GRIK1: variants seen among roughly 807,000 people sequenced by gnomAD.
GRIK1 encodes the protein glutamate receptor ionotropic, kainate 1.
GRIK1 carries 69 observed loss-of-function variants against 105.7 expected under a neutral mutation model. That is an observed-to-expected ratio of 0.65 (90% confidence interval 0.54 to 0.80). The LOEUF (loss-of-function observed/expected upper bound fraction) is 0.80. GRIK1 is among the 30% of genes least tolerant of loss of function. The pLI is 0.00. For missense variants in GRIK1, 1,109 were observed against 1,167.3 expected (o/e 0.95, Z 0.73); for synonymous variants, 438 against 431.3 (o/e 1.02, Z -0.19).
chr21:29,736,227 T>C (rs2146919077), intron 1 of GRIK1, among the ~76,000 whole-genome samples: 1 of 152,196 alleles, frequency 6.6e-6, no homozygotes, highest in Non-Finnish European at 1.5e-5. Context: ...ATTATGATTA[T>C]GATTATTTTT....
intron 6 of GRIK1, among the ~76,000 whole-genome samples, chr21:29,644,450 T>G (rs1787745009): frequency 6.6e-6 from 1 of 152,232 alleles, no homozygotes; most frequent in South Asian, 2.1e-4. Flanking sequence ...TAAAATGACA[T>G]TTATTTTTGT....
In GRIK1 at chr21:29,637,578, C is replaced by T. The variant is rs969712773; in HGVS notation, c.1098+5248G>A. On this transcript the variant is annotated intron_variant, in intron 7 of 17. Coordinates refer to ENST00000327783, the MANE Select transcript of GRIK1 (RefSeq NM_001330994.2). ...GGCACTAGTGCCCTTATAAAAGAGG[C>T]CCTTGAGAGATTCCTTGCCCCTTTC... is the stretch of plus-strand genomic sequence containing the variant. 1.3e-5 allele frequency among the ~76,000 whole-genome samples: 2 copies of T among 152,274 alleles called. 1 individual carries two copies. Among genetic ancestry groups the T allele is most frequent in the Admixed American group, 1.3e-4 (2 of 15,300 alleles).
At chr21:29,561,926 G>T in intron 14 of GRIK1, 77 bp from the exon 15 acceptor site, 1 of 787,124 alleles carries the variant, frequency 1.3e-6, no homozygotes, top group South Asian at 1.5e-5. Flanking sequence ...AAGTCCCAAT[G>T]GTTCAAATAA....
chr21:29,916,500 A>G (rs951649639), intron 1 of GRIK1, among the ~76,000 whole-genome samples: 13 of 151,968 alleles, frequency 8.6e-5, no homozygotes, highest in Admixed American at 7.2e-4. Flanking sequence ...TACTTTAAAA[A>G]TAGAGGATAA....
chr21:29,705,255 C>A (rs1008198653), intron 1 of GRIK1, among the ~76,000 whole-genome samples: 1 of 152,110 alleles, frequency 6.6e-6, no homozygotes, highest in Admixed American at 6.5e-5. Flanking sequence ...CAGTATATAC[C>A]GATGTGTGTG....
chr21:29,601,591 C>A (rs141606171), intron 7 of GRIK1, among the ~76,000 whole-genome samples: 1 of 152,338 alleles, frequency 6.6e-6, no homozygotes, highest in South Asian at 2.1e-4. Flanking sequence ...TCCCAGCCTG[C>A]AGCCTCCACT....
chr21:29,782,686 T>C (rs2066156243), intron 1 of GRIK1, among the ~76,000 whole-genome samples: 1 of 152,232 alleles, frequency 6.6e-6, no homozygotes, highest in African/African-American at 2.4e-5. Context: ...GATTTCCCCA[T>C]GGATACTACT....
chr21:29,834,446 T>TGGATCTGCTTCC lies in GRIK1; in HGVS notation c.118+104936_118+104937insGGAAGCAGATCC, dbSNP rs1202809762. Among the ~76,000 whole-genome samples, 10 of 151,278 alleles carry TGGATCTGCTTCC rather than the reference T, an allele frequency of 6.6e-5. No individual in the cohort carries two copies. The South Asian group carries it at 2.1e-3, about 31-fold the overall frequency. ...TACCACTACTAACCATCAGTGAAAA[T>TGGATCTGCTTCC]ATACTAGAGAAACTGATGGATCTGC... On this transcript the variant is annotated intron_variant, in intron 1 of 17. Coordinates refer to ENST00000327783, the MANE Select transcript of GRIK1 (RefSeq NM_001330994.2).
intron 1 of GRIK1, among the ~76,000 whole-genome samples, chr21:29,881,846 T>G (rs183620991): frequency 6.6e-6 from 1 of 152,302 alleles, no homozygotes; most frequent in East Asian, 1.9e-4. Context: ...TTCAAAATAC[T>G]ATGTAATATT....
chr21:29,673,960 G>T (rs933084273), intron 3 of GRIK1, among the ~76,000 whole-genome samples: 1 of 152,128 alleles, frequency 6.6e-6, no homozygotes, highest in Non-Finnish European at 1.5e-5. Flanking sequence ...AAGGAAAGCC[G>T]CTGTGTAAAA....
chr21:29,676,250 G>A (rs974884865), intron 3 of GRIK1, among the ~76,000 whole-genome samples: 1 of 152,174 alleles, frequency 6.6e-6, no homozygotes, highest in Non-Finnish European at 1.5e-5. Context: ...GCTTCAGAAA[G>A]GGGGAGGATC....
intron 1 of GRIK1, among the ~76,000 whole-genome samples, chr21:29,771,346 G>A (rs756814857): frequency 1.1e-4 from 16 of 152,154 alleles, no homozygotes; most frequent in African/African-American, 3.4e-4. Flanking sequence ...AGAAGGCCCC[G>A]ATGTCTAATG....
At chr21:29,724,730 A>G (rs55780) in intron 1 of GRIK1, among the ~76,000 whole-genome samples, 119 of 152,340 alleles carry the variant, frequency 7.8e-4, no homozygotes, top group Non-Finnish European at 1.5e-3. Flanking sequence ...ATAGAAGAGC[A>G]TATGTCCTCT....
At chr21:29,723,780 C>T (rs1021480644) in intron 1 of GRIK1, among the ~76,000 whole-genome samples, 3 of 151,544 alleles carry the variant, frequency 2.0e-5, no homozygotes, top group African/African-American at 7.2e-5. Flanking sequence ...CATTTTTACT[C>T]ATTCTTTTTT....
intron 7 of GRIK1, among the ~76,000 whole-genome samples, chr21:29,627,053 A>G (rs2062147576): frequency 6.6e-6 from 1 of 152,118 alleles, no homozygotes; most frequent in Admixed American, 6.5e-5. Context: ...GTTTAAATAA[A>G]CCCTCTGGGT....
intron 7 of GRIK1, among the ~76,000 whole-genome samples, chr21:29,601,881 C>G (rs1305144698): frequency 6.6e-6 from 1 of 152,110 alleles, no homozygotes; most frequent in African/African-American, 2.4e-5. Context: ...ATGGCATAGC[C>G]CTTAGGCACT....
intron 12 of GRIK1, among the ~76,000 whole-genome samples, chr21:29,583,732 G>C (rs1024679828): frequency 6.6e-6 from 1 of 152,206 alleles, no homozygotes; most frequent in Admixed American, 6.5e-5. Context: ...TGTGGAGCAT[G>C]TGGTCTGGTG....
chr21:29,734,631 T>A (rs1388127727), intron 1 of GRIK1, among the ~76,000 whole-genome samples: 1 of 151,974 alleles, frequency 6.6e-6, no homozygotes, highest in East Asian at 1.9e-4. Context: ...ACTCTTGGGC[T>A]CAAGAGATCC....
chr21:29,689,533 TAGAA>T (rs1367955811), intron 3 of GRIK1, among the ~76,000 whole-genome samples, 191 bp downstream of exon 3: 4 of 152,214 alleles, frequency 2.6e-5, no homozygotes, highest in Non-Finnish European at 5.9e-5. Flanking sequence ...AAAGGATCGT[TAGAA>T]AGGATCAACA....
Sources: allele counts gnomAD v4.1 joint callset (sites outside exome capture counted in the v4.1 genomes callset), GRCh38; gene constraint gnomAD v4.1.1; transcripts MANE v1.5; gene names NCBI Gene and HGNC (gene_info 2026-07-23, HGNC 2026-07-21).